Variants in KLF5 observed in about 807,000 individuals in gnomAD.
KLF5 encodes Krueppel-like factor 5.
Under a neutral mutation model 36.9 loss-of-function variants are expected in KLF5, and 9 were observed. The ratio of observed to expected loss-of-function variants is 0.24; its 90% confidence interval spans 0.15 to 0.43. KLF5 has a LOEUF of 0.43. Among genes scored for constraint, KLF5 ranks in the 20% least tolerant of loss-of-function variants. The pLI, the probability that KLF5 is intolerant of heterozygous loss-of-function variation, is 1.00. For missense variants in KLF5, 524 were observed against 599.5 expected, an observed-to-expected ratio of 0.87 and a Z score of 1.31; for synonymous variants, 246 against 241.7, an observed-to-expected ratio of 1.02 and a Z score of -0.17.
intron 1 of KLF5, chr13:73,059,821 G>A (rs2044618848): frequency 2.1e-6 from 2 of 945,160 alleles, no homozygotes; most frequent in Non-Finnish European, 2.5e-6. Flanking sequence ...ATCTGCCCCG[G>A]CGGGTCGGCC....
rs144650746 is a variant in KLF5 at position 73,065,807 on chromosome 13, A to G, written c.1195+1924A>G. On this transcript the variant is annotated intron_variant, in intron 3 of 3. Transcript: ENST00000377687. ...TCCTAATAAAAGAGCACAATTGCAT[A>G]TAACGATGTAATCAACTACTTATTG... 8.5e-5 allele frequency among the ~76,000 whole-genome samples: 13 copies of G among 152,362 alleles called. No individual in the cohort carries two copies. In the East Asian group the frequency reaches 1.5e-3, roughly 18 times the overall value.
intron 3 of KLF5, among the ~76,000 whole-genome samples, chr13:73,074,591 A>G (rs2044746546): frequency 6.6e-6 from 1 of 152,204 alleles, no homozygotes; most frequent in South Asian, 2.1e-4. Flanking sequence ...GGAATATATG[A>G]TCTCCAGTAG....
In KLF5 at chr13:73,075,884, T is replaced by C; in HGVS notation, c.1372T>C (p.Ter458ArgextTer5). ...CCTGCATATGAAGAGGCACCAGAAC[T>C]GAGCACTGCCCGTGTGACCCGTTCC... The part of the protein sequence containing the change: ...LALHMKRHQN[*>R] Residue 458 changes from the stop codon to arginine, a stop_lost, in exon 4 of 4, where the codon TGA (stop) becomes CGA (arginine). Transcript: ENST00000377687. 6 of 1,582,386 alleles carry C rather than the reference T, an allele frequency of 3.8e-6. No homozygotes were observed. The highest frequency in any genetic ancestry group is 5.2e-6 in the Non-Finnish European group (6 of 1,155,576).
rs865861158 is a variant in KLF5, at chr13:73,076,314, T to C, written c.*428T>C. The C allele has an allele frequency of 6.4e-6, 1 of 156,524 alleles. No homozygotes were observed. Among genetic ancestry groups the C allele is most frequent in the African/African-American group, 2.4e-5 (1 of 41,620 alleles). The allele number at this position is 156,524 out of a possible 1,614,324, so 9.7% of individuals were successfully genotyped here. A position where few individuals can be genotyped will look rare whatever the true frequency, so the allele number is the denominator to read the frequency against. On this transcript the variant is annotated 3_prime_UTR_variant, in exon 4 of 4. Transcript: ENST00000377687. ...CTTGGCATTGAGTAGTTTTTTTCAA[T>C]AGTAGGTAATTCCTTAGAGATACAG...
chr13:73,061,311 G>A (rs2044633194), intron 1 of KLF5, among the ~76,000 whole-genome samples: 1 of 152,084 alleles, frequency 6.6e-6, no homozygotes, highest in Admixed American at 6.5e-5. Flanking sequence ...CTGTAAACAA[G>A]AAAAGACACT....
At chr13:73,074,543 A>G (rs2044746045) in intron 3 of KLF5, among the ~76,000 whole-genome samples, 1 of 152,246 alleles carries the variant, frequency 6.6e-6, no homozygotes, top group Non-Finnish European at 1.5e-5. Context: ...CTGCTAGTTA[A>G]TGCTCACTGA....
intron 1 of KLF5, 199 bp downstream of exon 1, chr13:73,059,787 CG>C (rs2044618507): frequency 1.2e-5 from 4 of 326,658 alleles, no homozygotes; most frequent in Non-Finnish European, 1.5e-5. Flanking sequence ...GGGGGGGGGC[CG>C]GGGGTGGGAA....
At chr13:73,061,186 A>C (rs2044632599) in intron 1 of KLF5, among the ~76,000 whole-genome samples, 1 of 152,224 alleles carries the variant, frequency 6.6e-6, no homozygotes, top group African/African-American at 2.4e-5. Context: ...ATATTAACCA[A>C]TTACAGGATC....
chr13:73,062,440 A>G lies in KLF5; in HGVS notation c.841A>G (p.Met281Val), dbSNP rs1163714993. ...GACTGCAGTGAAACAATTCCAGGGCATGCCCCCTTGCACATACACAATGCC... is the reference window on the plus strand; with the variant it reads ...GACTGCAGTGAAACAATTCCAGGGCGTGCCCCCTTGCACATACACAATGCC... ...PQTAVKQFQG[M>V]PPCTYTMPSQ... The change falls in exon 2 of 4, where the codon ATG becomes GTG. Residue 281 changes from methionine (M) to valine (V), a missense_variant. Met to Val is a conservative substitution (Grantham distance 21). Transcript: ENST00000377687. The G allele has an allele frequency of 6.2e-7, 1 of 1,614,086 alleles. No homozygotes were observed. The highest frequency in any genetic ancestry group is 1.3e-5 in the African/African-American group (1 of 74,936).
chr13:73,059,868 C>T, intron 1 of KLF5: 1 of 936,352 alleles, frequency 1.1e-6, no homozygotes, highest in Non-Finnish European at 1.3e-6. Context: ...GGTGCTCACG[C>T]GCACCTTAGT....
Position 73,076,013 on chromosome 13 carries a change from T to A in KLF5, c.*127T>A. On this transcript the variant is annotated 3_prime_UTR_variant, in exon 4 of 4. Transcript: ENST00000377687. The stretch of plus-strand genomic sequence containing the variant: ...CCACAACTAAAACTGGAAATGTATA[T>A]TTTGTATATTTGAGAAAACAGGGAA... 1 of 796,888 alleles carries A rather than the reference T, an allele frequency of 1.3e-6. No homozygotes were observed. Among genetic ancestry groups the A allele is most frequent in the Non-Finnish European group, 1.8e-6 (1 of 543,960 alleles). 49.4% of individuals were successfully genotyped at this position (796,888 alleles called of 1,614,324 possible).
Position 73,061,419 on chromosome 13 carries a change from A to T in KLF5, c.262-442A>T, listed in dbSNP as rs551445394. On this transcript the variant is annotated intron_variant, in intron 1 of 3. Transcript: ENST00000377687. ...AAAGGTTTGCATCGTTTTTTCTATT[A>T]AAAAAAACCACGCTTTTTAATGTTT... 1.3e-4 allele frequency among the ~76,000 whole-genome samples: 17 copies of T among 134,706 alleles called. 1 individual carries two copies. The highest frequency in any genetic ancestry group is 3.1e-4 in the African/African-American group (12 of 38,956). The allele number at this position is 134,706 out of a possible 152,430, so 88.4% of individuals were successfully genotyped here.
chr13:73,060,858 C>G (rs1163799047), intron 1 of KLF5, among the ~76,000 whole-genome samples: 2 of 152,086 alleles, frequency 1.3e-5, no homozygotes, highest in Admixed American at 1.3e-4. Context: ...AGGCTTGAGG[C>G]GACTTGTTAC....
chr13:73,069,958 ATTT>A (rs2044710840), intron 3 of KLF5, among the ~76,000 whole-genome samples: 1 of 152,174 alleles, frequency 6.6e-6, no homozygotes, highest in Non-Finnish European at 1.5e-5. Context: ...TTTGGCAGAT[ATTT>A]TTGGTTCTAT....
At chr13:73,059,778 G>A (rs931522098) in intron 1 of KLF5, 190 bp downstream of exon 1, 5 of 737,450 alleles carry the variant, frequency 6.8e-6, no homozygotes, top group South Asian at 5.7e-5. Flanking sequence ...AGTAAATGGG[G>A]GGGGGGGCCG....
intron 3 of KLF5, among the ~76,000 whole-genome samples, chr13:73,068,549 C>T (rs2044698168): frequency 6.6e-6 from 1 of 150,886 alleles, no homozygotes; most frequent in South Asian, 2.1e-4. Flanking sequence ...ACTAAAAATA[C>T]AAAAATTAGT....
intron 1 of KLF5, chr13:73,060,798 T>C (rs2044629165): frequency 1.3e-5 from 2 of 152,322 alleles, no homozygotes; most frequent in African/African-American, 4.8e-5. Flanking sequence ...TCCTTTTCAG[T>C]GTTAAAAAAT....
intron 2 of KLF5, 129 bp downstream of exon 2, chr13:73,062,863 G>T: frequency 1.7e-4 from 105 of 630,058 alleles, no homozygotes; most frequent in South Asian, 6.8e-4. Context: ...TAGGAAAGTT[G>T]TACTTGACAG....
Position 73,063,896 on chromosome 13 carries a change from CTTG to C in KLF5, c.1195+16_1195+18del, listed in dbSNP as rs749505313. 168 of 1,542,144 alleles carry C rather than the reference CTTG, an allele frequency of 1.1e-4. 1 individual carries two copies. Among genetic ancestry groups the C allele is most frequent in the Non-Finnish European group, 1.4e-4 (154 of 1,116,608 alleles). On this transcript the variant is annotated intron_variant, in intron 3 of 3. Transcript: ENST00000377687. ...AGGACTCACACTGGTATGTAATTTT[CTTG>C]TTAATTCTGTGAGTTGTGTAAATAG...
Sources: gnomAD v4.1 joint callset for allele counts (sites outside exome capture counted in the v4.1 genomes callset) on GRCh38, gnomAD v4.1.1 for gene constraint, MANE v1.5 for transcripts, NCBI Gene and HGNC (gene_info 2026-07-23, HGNC 2026-07-21) for gene names.